Variants in FAAH2 observed in about 807,000 individuals in gnomAD.
FAAH2 encodes fatty-acid amide hydrolase 2.
In FAAH2, 60 loss-of-function variants were observed where a neutral mutation model predicts 36.9. That is an observed-to-expected ratio of 1.63 (90% CI 1.32 to 2.02). The LOEUF (loss-of-function observed/expected upper bound fraction) is 2.02. Among genes scored for constraint, FAAH2 ranks in the 30% most tolerant of loss-of-function variants. The pLI is 0.00. For synonymous variants in FAAH2, 214 were observed against 143.8 expected (o/e 1.49, Z -3.49); for missense variants, 689 against 397.5 (o/e 1.73, Z -6.23).
chrX:57,453,348 C>A (rs773313704), intron 10 of FAAH2, among the ~76,000 whole-genome samples: 1 of 112,750 alleles, frequency 8.9e-6, no homozygotes. Flanking sequence ...ATGAGACCCA[C>A]AAACAACAAT....
At chrX:57,301,451 G>A (rs1193055928) in intron 2 of FAAH2, among the ~76,000 whole-genome samples, 3 of 90,449 alleles carry the variant, frequency 3.3e-5, no homozygotes, top group Admixed American at 1.2e-4. Flanking sequence ...ATCAGACACC[G>A]GGGACTGTTG....
chrX:57,355,216 T>A (rs1265128455), intron 5 of FAAH2, among the ~76,000 whole-genome samples: 1 of 111,318 alleles, frequency 9.0e-6, no homozygotes, highest in Admixed American at 9.6e-5. Flanking sequence ...TGGTTAAACA[T>A]GTGCCAAAAT....
the FAAH2 span, among the ~76,000 whole-genome samples, chrX:57,193,647 C>T: frequency 9.0e-6 from 1 of 111,523 alleles, no homozygotes; most frequent in East Asian, 2.8e-4. Context: ...GTACTCTGTC[C>T]CTTTATTTCT....
At chrX:57,218,503 A>T in the FAAH2 span, among the ~76,000 whole-genome samples, 1 of 111,993 alleles carries the variant, frequency 8.9e-6, no homozygotes, top group East Asian at 2.8e-4. Flanking sequence ...TATCACATTT[A>T]TTGAGTTGCA....
At chrX:57,301,510 C>T (rs1301358161) in intron 2 of FAAH2, among the ~76,000 whole-genome samples, 4 of 106,348 alleles carry the variant, frequency 3.8e-5, no homozygotes, top group Non-Finnish European at 7.7e-5. Context: ...ATACCTAATG[C>T]TAAATGACGA....
intron 6 of FAAH2, among the ~76,000 whole-genome samples, chrX:57,380,007 T>A: frequency 9.0e-6 from 1 of 110,837 alleles, no homozygotes; most frequent in East Asian, 2.8e-4. Flanking sequence ...GGTGTATATA[T>A]TTTTGGGCTA....
At chrX:57,248,843 C>T in the FAAH2 span, among the ~76,000 whole-genome samples, 3 of 72,350 alleles carry the variant, frequency 4.1e-5, no homozygotes, top group African/African-American at 1.7e-4. Flanking sequence ...CGTTGGAATG[C>T]TGGAGATGAC....
chrX:57,165,203 G>T, the FAAH2 span, among the ~76,000 whole-genome samples: 3 of 111,998 alleles, frequency 2.7e-5, no homozygotes, highest in Non-Finnish European at 5.6e-5. Context: ...TATACCCAAA[G>T]GACTATAAAT....
chrX:57,184,004 C>T, the FAAH2 span, among the ~76,000 whole-genome samples: 27 of 110,862 alleles, frequency 2.4e-4, no homozygotes, highest in Non-Finnish European at 1.1e-4. Flanking sequence ...TGGTCTCCTT[C>T]AGTACCCTCA....
chrX:57,197,074 A>T, the FAAH2 span, among the ~76,000 whole-genome samples: 459 of 110,582 alleles, frequency 4.2e-3, 3 homozygotes, highest in African/African-American at 0.014. Flanking sequence ...TTTATTTTTA[A>T]TTTTTTTCTT....
At chrX:57,206,075 G>C in the FAAH2 span, among the ~76,000 whole-genome samples, 1 of 111,368 alleles carries the variant, frequency 9.0e-6, no homozygotes, top group Non-Finnish European at 1.9e-5. Context: ...GCAAATGTGG[G>C]GTCTTTTCTG....
chrX:57,443,317 G>C (rs181559548), intron 8 of FAAH2, among the ~76,000 whole-genome samples: 3 of 110,709 alleles, frequency 2.7e-5, no homozygotes, highest in African/African-American at 9.8e-5. Flanking sequence ...TTTTTTACTC[G>C]TTTTTCTCTA....
At chrX:57,329,846 T>C (rs766095824) in intron 3 of FAAH2, among the ~76,000 whole-genome samples, 1 of 111,779 alleles carries the variant, frequency 8.9e-6, no homozygotes, top group Admixed American at 9.5e-5. Context: ...AATTAATACT[T>C]TTGTAATTTC....
intron 4 of FAAH2, among the ~76,000 whole-genome samples, chrX:57,336,862 C>T (rs2053564096): frequency 9.1e-6 from 1 of 110,029 alleles, no homozygotes; most frequent in Admixed American, 9.7e-5. Context: ...CAAACAAATC[C>T]CAAAGCTAGG....
At chrX:57,239,990 G>T in the FAAH2 span, among the ~76,000 whole-genome samples, 1 of 111,885 alleles carries the variant, frequency 8.9e-6, no homozygotes, top group South Asian at 3.7e-4. Context: ...GAATTTCTGT[G>T]ATCTTTGTTT....
intron 6 of FAAH2, among the ~76,000 whole-genome samples, chrX:57,380,359 T>A (rs1034256114): frequency 1.8e-5 from 2 of 111,291 alleles, no homozygotes; most frequent in Admixed American, 1.9e-4. Context: ...GGACTGTCTA[T>A]TTACTACTAC....
At chrX:57,261,524 G>A in the FAAH2 span, among the ~76,000 whole-genome samples, 1 of 84,938 alleles carries the variant, frequency 1.2e-5, no homozygotes, top group Non-Finnish European at 2.1e-5. Flanking sequence ...TTGCACTCTA[G>A]CCTGGGCAAC....
intron 7 of FAAH2, among the ~76,000 whole-genome samples, chrX:57,400,250 G>A (rs1404663913): frequency 1.8e-5 from 2 of 111,659 alleles, no homozygotes; most frequent in Non-Finnish European, 3.8e-5. Flanking sequence ...CACACAGTAA[G>A]ATCTCTTCCC....
At chrX:57,221,560 C>A in the FAAH2 span, among the ~76,000 whole-genome samples, 1 of 111,033 alleles carries the variant, frequency 9.0e-6, no homozygotes, top group Non-Finnish European at 1.9e-5. Flanking sequence ...TTTTAACACA[C>A]CAGTTCTACC....
Sources: gnomAD v4.1 joint callset for allele counts (sites outside exome capture counted in the v4.1 genomes callset) on GRCh38, gnomAD v4.1.1 for gene constraint, MANE v1.5 for transcripts, NCBI Gene and HGNC (gene_info 2026-07-23, HGNC 2026-07-21) for gene names.